The following KCND2 variants were observed in gnomAD, a reference collection of about 807,000 sequenced individuals.
The protein encoded by KCND2 is A-type voltage-gated potassium channel KCND2.
Under a neutral mutation model 54.4 loss-of-function variants are expected in KCND2, and 16 were observed. The ratio of observed to expected loss-of-function variants is 0.29; its 90% CI spans 0.20 to 0.45. The LOEUF (loss-of-function observed/expected upper bound fraction) is 0.45. Ranked by LOEUF, KCND2 falls within the 20% of genes least tolerant of loss-of-function variation. The pLI is 1.00. For missense variants in KCND2, 486 were observed against 824.2 expected (o/e 0.59, Z 5.02); for synonymous variants, 317 against 310.7 (o/e 1.02, Z -0.21).
intron 1 of KCND2, among the ~76,000 whole-genome samples, chr7:120,330,991 A>C (rs924581665): frequency 6.6e-6 from 1 of 152,132 alleles, no homozygotes; most frequent in Non-Finnish European, 1.5e-5. Flanking sequence ...AATAAAAGAA[A>C]ATGAAGTTGA....
At chr7:120,471,605 T>C (rs1802455560) in intron 1 of KCND2, among the ~76,000 whole-genome samples, 1 of 152,136 alleles carries the variant, frequency 6.6e-6, no homozygotes, top group Non-Finnish European at 1.5e-5. Flanking sequence ...ATTTCACTTG[T>C]AGCCTATTTA....
intron 1 of KCND2, among the ~76,000 whole-genome samples, chr7:120,436,302 A>G (rs900013557): frequency 2.0e-5 from 3 of 152,238 alleles, no homozygotes; most frequent in Non-Finnish European, 2.9e-5. Flanking sequence ...GAAATTAAAG[A>G]TAATCCGTAA....
intron 1 of KCND2, among the ~76,000 whole-genome samples, chr7:120,295,812 A>G (rs1799505743): frequency 6.6e-6 from 1 of 152,014 alleles, no homozygotes; most frequent in African/African-American, 2.4e-5. Context: ...TGCAAACTCG[A>G]GGTGCAAGTG....
At chr7:120,717,633 A>G (rs765168435) in intron 1 of KCND2, among the ~76,000 whole-genome samples, 3 of 152,122 alleles carry the variant, frequency 2.0e-5, no homozygotes, top group Non-Finnish European at 2.9e-5. Flanking sequence ...TTTCAGTATC[A>G]TCATAGACAG....
intron 1 of KCND2, among the ~76,000 whole-genome samples, chr7:120,558,687 C>T (rs774753249): frequency 6.6e-6 from 1 of 152,252 alleles, no homozygotes; most frequent in African/African-American, 2.4e-5. Flanking sequence ...CCTCTCTGAG[C>T]TTTTCAAGTG....
chr7:120,320,123 G>T (rs78653971), intron 1 of KCND2, among the ~76,000 whole-genome samples: 5,607 of 152,040 alleles, frequency 0.037, 166 homozygotes, highest in South Asian at 0.094. Context: ...AACAAACATT[G>T]AAAAAAATTT....
intron 1 of KCND2, among the ~76,000 whole-genome samples, chr7:120,545,559 G>A (rs1792032561): frequency 6.6e-6 from 1 of 151,746 alleles, no homozygotes; most frequent in African/African-American, 2.4e-5. Context: ...AAAAGAATTG[G>A]AACAATCTCT....
In KCND2 at chr7:120,650,828, C is replaced by G. The variant is rs184639636; in HGVS notation, c.1116-82075C>G. 8.8e-4 allele frequency among the ~76,000 whole-genome samples: 127 copies of G among 144,024 alleles called. 17 individuals are homozygous for G. The highest frequency in any genetic ancestry group is 1.6e-3 in the Non-Finnish European group (106 of 66,112). The allele number at this position is 144,024 out of a possible 152,430, so 94.5% of individuals were successfully genotyped here. A position where few individuals can be genotyped will look rare whatever the true frequency, so the allele number is the denominator to read the frequency against. ...TCCTTTCTGTTTGTTAGTTTTCCTT[C>G]TAACAGTCAGGACCCTCAGCTGCAG... is the stretch of plus-strand genomic sequence containing the variant. On this transcript the variant is annotated intron_variant, in intron 1 of 5. Coordinates refer to ENST00000331113, the MANE Select transcript of KCND2 (RefSeq NM_012281.3).
intron 1 of KCND2, among the ~76,000 whole-genome samples, chr7:120,586,884 A>G (rs1464423189): frequency 1.3e-5 from 2 of 152,130 alleles, no homozygotes; most frequent in South Asian, 2.1e-4. Flanking sequence ...CTTTGTTTTC[A>G]TTAAAGGATA....
chr7:120,358,015 A>G (rs1432269612), intron 1 of KCND2, among the ~76,000 whole-genome samples: 1 of 152,116 alleles, frequency 6.6e-6, no homozygotes, highest in African/African-American at 2.4e-5. Flanking sequence ...TTTTGAAGGT[A>G]TTATGGGTGT....
At chr7:120,712,439 C>A (rs1269792036) in intron 1 of KCND2, among the ~76,000 whole-genome samples, 1 of 148,356 alleles carries the variant, frequency 6.7e-6, no homozygotes, top group Non-Finnish European at 1.5e-5. Flanking sequence ...TTTTTTTTCT[C>A]CAGTAGAGGC....
intron 1 of KCND2, among the ~76,000 whole-genome samples, chr7:120,642,837 C>T (rs1428628901): frequency 6.6e-6 from 1 of 152,064 alleles, no homozygotes; most frequent in Non-Finnish European, 1.5e-5. Flanking sequence ...AAGTGATTTG[C>T]CAAGATTTCA....
chr7:120,558,367 C>T (rs1358441262), intron 1 of KCND2, among the ~76,000 whole-genome samples: 3 of 152,088 alleles, frequency 2.0e-5, no homozygotes, highest in Non-Finnish European at 4.4e-5. Flanking sequence ...TACCATCACA[C>T]CCTTAAATTA....
intron 1 of KCND2, among the ~76,000 whole-genome samples, chr7:120,715,544 T>G (rs1457284495): frequency 1.3e-5 from 2 of 152,038 alleles, no homozygotes; most frequent in East Asian, 1.9e-4. Context: ...ACAAAATCAT[T>G]ACATTTATTT....
chr7:120,304,262 T>C (rs893923211), intron 1 of KCND2, among the ~76,000 whole-genome samples: 8 of 152,140 alleles, frequency 5.3e-5, no homozygotes, highest in Non-Finnish European at 1.0e-4. Flanking sequence ...ATAATGATTC[T>C]AACAAATATA....
In KCND2 at chr7:120,634,487, C is replaced by T. The variant is rs1034219676; in HGVS notation, c.1116-98416C>T. 1.8e-4 allele frequency among the ~76,000 whole-genome samples: 28 copies of T among 152,012 alleles called. 1 individual carries two copies. Among genetic ancestry groups the T allele is most frequent in the Non-Finnish European group, 2.9e-5 (2 of 68,016 alleles). On this transcript the variant is annotated intron_variant, in intron 1 of 5. Transcript: ENST00000331113. ...ACAGGAACTGGTACCGCCATACACT[C>T]GATACTCAATCGAGAACCCTGGGTG...
At chr7:120,514,874 C>T (rs1002439826) in intron 1 of KCND2, among the ~76,000 whole-genome samples, 1 of 151,990 alleles carries the variant, frequency 6.6e-6, no homozygotes, top group African/African-American at 2.4e-5. Context: ...GGTCACAGAC[C>T]TGTCCTGGTC....
intron 2 of KCND2, among the ~76,000 whole-genome samples, chr7:120,734,487 C>G (rs755091178): frequency 6.6e-6 from 1 of 152,096 alleles, no homozygotes; most frequent in Non-Finnish European, 1.5e-5. Context: ...TGGAGATCCA[C>G]CATTCCATCC....
At chr7:120,467,085 A>C (rs901724149) in intron 1 of KCND2, among the ~76,000 whole-genome samples, 1 of 152,168 alleles carries the variant, frequency 6.6e-6, no homozygotes, top group Non-Finnish European at 1.5e-5. Flanking sequence ...CTTCAAAGTC[A>C]CTTTTGCCAT....
Sources: allele counts gnomAD v4.1 joint callset (sites outside exome capture counted in the v4.1 genomes callset), GRCh38; gene constraint gnomAD v4.1.1; transcripts MANE v1.5; gene names NCBI Gene and HGNC (gene_info 2026-07-23, HGNC 2026-07-21).